LSAMP: variants seen among roughly 807,000 people sequenced by gnomAD.
LSAMP encodes limbic system associated membrane protein, also known as limbic system-associated membrane protein.
A neutral mutation model predicts 38.6 loss-of-function variants in LSAMP; 7 were observed. That is an observed-to-expected ratio of 0.18 (90% confidence interval 0.10 to 0.34). The LOEUF (loss-of-function observed/expected upper bound fraction) is 0.34. Among genes scored for constraint, LSAMP ranks in the 10% least tolerant of loss-of-function variants. The pLI is 1.00. For missense variants in LSAMP, 313 were observed against 420.0 expected (o/e 0.75, Z 2.23); for synonymous variants, 154 against 166.8 (o/e 0.92, Z 0.59).
intron 1 of LSAMP, among the ~76,000 whole-genome samples, chr3:116,209,946 G>C (rs1246511558): frequency 3.9e-5 from 6 of 151,958 alleles, no homozygotes; most frequent in African/African-American, 1.5e-4. Context: ...AGTAGAGACG[G>C]AGTTTCACCA....
At chr3:116,062,774 A>T (rs1941621106) in intron 2 of LSAMP, among the ~76,000 whole-genome samples, 1 of 152,218 alleles carries the variant, frequency 6.6e-6, no homozygotes, top group Non-Finnish European at 1.5e-5. Flanking sequence ...TCTTGGTACC[A>T]ACACAACAAA....
intron 1 of LSAMP, among the ~76,000 whole-genome samples, chr3:116,272,447 G>GA (rs1361103586): frequency 2.6e-5 from 4 of 152,124 alleles, no homozygotes; most frequent in Non-Finnish European, 4.4e-5. Context: ...TCAATCCTTT[G>GA]ATAATGGCTT....
At chr3:116,383,317 C>A (rs2048586207) in intron 1 of LSAMP, among the ~76,000 whole-genome samples, 1 of 152,054 alleles carries the variant, frequency 6.6e-6, no homozygotes, top group African/African-American at 2.4e-5. Context: ...ACAGTAGCCA[C>A]CTTGCTTGCT....
chr3:116,250,308 A>C (rs1047550202), intron 1 of LSAMP, among the ~76,000 whole-genome samples: 2 of 152,210 alleles, frequency 1.3e-5, no homozygotes, highest in Non-Finnish European at 2.9e-5. Context: ...TCAAATACAG[A>C]GTACCAGGAG....
At chr3:115,818,789 T>TA (rs1425869360) in intron 6 of LSAMP, among the ~76,000 whole-genome samples, 7 of 52,022 alleles carry the variant, frequency 1.3e-4, no homozygotes, top group East Asian at 5.7e-4. Context: ...AAGTTGTACT[T>TA]TTATATATAT....
chr3:116,074,976 A>G (rs1707704577), intron 2 of LSAMP, among the ~76,000 whole-genome samples: 1 of 149,758 alleles, frequency 6.7e-6, no homozygotes. Context: ...AGCTGGAATT[A>G]CAGACATGTG....
intron 3 of LSAMP, among the ~76,000 whole-genome samples, chr3:115,998,089 C>T (rs1458566360): frequency 8.2e-6 from 1 of 122,178 alleles, no homozygotes; most frequent in Non-Finnish European, 1.7e-5. Context: ...AAAATGTCTC[C>T]AGCCATTGAC....
At chr3:116,137,181 T>C (rs1185765295) in intron 1 of LSAMP, among the ~76,000 whole-genome samples, 1 of 152,056 alleles carries the variant, frequency 6.6e-6, no homozygotes, top group African/African-American at 2.4e-5. Context: ...CTGTCTCTTA[T>C]ATAGACACTT....
chr3:116,376,966 A>G (rs1353247346), intron 1 of LSAMP, among the ~76,000 whole-genome samples: 1 of 152,040 alleles, frequency 6.6e-6, no homozygotes, highest in Non-Finnish European at 1.5e-5. Context: ...GTTTTTATTG[A>G]AATAAAAATA....
intron 1 of LSAMP, among the ~76,000 whole-genome samples, chr3:116,356,934 C>T (rs1314116649): frequency 1.3e-5 from 2 of 152,150 alleles, no homozygotes; most frequent in Non-Finnish European, 2.9e-5. Context: ...GCTGGGACTA[C>T]AGGCGCCCGC....
At chr3:116,204,652 T>A (rs372624043) in intron 1 of LSAMP, among the ~76,000 whole-genome samples, 7 of 152,180 alleles carry the variant, frequency 4.6e-5, no homozygotes, top group Admixed American at 2.6e-4. Context: ...CATTTATTAA[T>A]TAGGGAATCC....
rs572764206 is a variant in LSAMP at position 116,346,760 on chromosome 3, A to G, written c.155+98117T>C. On this transcript the variant is annotated intron_variant, in intron 1 of 6. Transcript: ENST00000490035. Reference sequence around the variant, plus strand: ...ATAGATATTTCAGGCAGGCCTGAAAATTTATTCATTCAACAAACATTCATT... The same window carrying G: ...ATAGATATTTCAGGCAGGCCTGAAAGTTTATTCATTCAACAAACATTCATT... Among the ~76,000 whole-genome samples, 12 of 152,324 alleles carry G rather than the reference A, an allele frequency of 7.9e-5. No homozygotes were observed. In the South Asian group the frequency reaches 2.5e-3, roughly 32 times the overall value.
intron 1 of LSAMP, among the ~76,000 whole-genome samples, chr3:116,174,203 A>G (rs910050027): frequency 2.6e-5 from 4 of 152,110 alleles, no homozygotes; most frequent in African/African-American, 7.2e-5. Context: ...TCCCAAGACA[A>G]CAATAACAAC....
Position 116,074,309 on chromosome 3 carries a change from A to C in LSAMP, c.388+12015T>G, listed in dbSNP as rs1173864142. ...GGAGGAAAATCCCCCAAAACAGGGA[A>C]GAGGTTTGAATGCTGGGCAGCCACT... is the stretch of plus-strand genomic sequence containing the variant. On this transcript the variant is annotated intron_variant, in intron 2 of 6. Coordinates refer to ENST00000490035, the MANE Select transcript of LSAMP (RefSeq NM_002338.5). Among the ~76,000 whole-genome samples the C allele has an allele frequency of 3.9e-5, 6 of 152,192 alleles. No individual in the cohort carries two copies. In the East Asian group the frequency reaches 5.8e-4, roughly 15 times the overall value.
chr3:116,116,799 G>A lies in LSAMP; in HGVS notation c.156-30243C>T, dbSNP rs576500820. On this transcript the variant is annotated intron_variant, in intron 1 of 6. Transcript: ENST00000490035. ...TCTTGGAAGACTCTCCAGGAGCCAC[G>A]TCAAAAGTTTGACTACGGTGAGGCC... Among the ~76,000 whole-genome samples the A allele has an allele frequency of 3.9e-5, 6 of 152,116 alleles. No homozygotes were observed. In the South Asian group the frequency reaches 8.3e-4, roughly 21 times the overall value.
intron 6 of LSAMP, among the ~76,000 whole-genome samples, chr3:115,836,645 GT>G: frequency 6.6e-6 from 1 of 152,016 alleles, no homozygotes. Context: ...CTCAGCTTTG[GT>G]TTCTTACCTG....
intron 3 of LSAMP, among the ~76,000 whole-genome samples, chr3:115,979,552 G>C (rs72957763): frequency 0.033 from 5,061 of 152,078 alleles, 256 homozygotes; most frequent in African/African-American, 0.11. Flanking sequence ...AAGTACCTTT[G>C]GGCCCAGAAA....
intron 1 of LSAMP, among the ~76,000 whole-genome samples, chr3:116,212,994 AT>A (rs1435834735): frequency 1.3e-5 from 2 of 152,224 alleles, no homozygotes; most frequent in Non-Finnish European, 2.9e-5. Flanking sequence ...AGATTTTGCA[AT>A]GGGTCACTTT....
At chr3:116,199,819 G>A (rs558715111) in intron 1 of LSAMP, among the ~76,000 whole-genome samples, 1 of 152,220 alleles carries the variant, frequency 6.6e-6, no homozygotes, top group East Asian at 1.9e-4. Flanking sequence ...ATAAGTTTAT[G>A]AAAGGGAGAA....
Sources: gnomAD v4.1 joint callset for allele counts (sites outside exome capture counted in the v4.1 genomes callset) on GRCh38, gnomAD v4.1.1 for gene constraint, MANE v1.5 for transcripts, NCBI Gene and HGNC (gene_info 2026-07-23, HGNC 2026-07-21) for gene names.